SOX5: variants seen among roughly 807,000 people sequenced by gnomAD.
SOX5 encodes the protein transcription factor SOX-5.
In SOX5, 9 loss-of-function variants were observed where a neutral mutation model predicts 92.0. The observed-to-expected ratio is 0.10, with a 90% CI of 0.06 to 0.17. The LOEUF is 0.17. Among genes scored for constraint, SOX5 ranks in the 10% least tolerant of loss-of-function variants. The probability of loss-of-function intolerance (pLI) is 1.00; values close to 1 mark genes in which losing one functional copy is unlikely to be tolerated. For missense variants in SOX5, 642 were observed against 944.5 expected (o/e 0.68, Z 4.20); for synonymous variants, 344 against 336.3 (o/e 1.02, Z -0.25).
chr12:23,854,661 A>T (rs2096668096), intron 2 of SOX5, among the ~76,000 whole-genome samples: 2 of 152,238 alleles, frequency 1.3e-5, no homozygotes, highest in Admixed American at 6.5e-5. Flanking sequence ...TTGAACACTA[A>T]CTTGCAGGGC....
At chr12:24,081,922 A>G (rs571019528) in intron 4 of SOX5, among the ~76,000 whole-genome samples, 3 of 152,042 alleles carry the variant, frequency 2.0e-5, no homozygotes, top group South Asian at 4.1e-4. Flanking sequence ...TATGGTCACC[A>G]TATTTGCACA....
At chr12:24,284,255 G>T (rs959955092) in intron 2 of SOX5, among the ~76,000 whole-genome samples, 1 of 152,160 alleles carries the variant, frequency 6.6e-6, no homozygotes, top group Admixed American at 6.5e-5. Context: ...CAGCCACTCT[G>T]CTTTAGACAC....
Position 23,592,910 on chromosome 12 carries a change from C to T in SOX5, c.1164+11477G>A, listed in dbSNP as rs181471018. 8.1e-4 allele frequency among the ~76,000 whole-genome samples: 123 copies of T among 152,160 alleles called. No homozygotes were observed. In the Middle Eastern group the frequency reaches 0.017, roughly 21 times the overall value. On this transcript the variant is annotated intron_variant, in intron 9 of 14. Coordinates refer to ENST00000451604, the MANE Select transcript of SOX5 (RefSeq NM_006940.6). ...CCTGACCAACATGGTGAAACCCCAT[C>T]TCTACTAAAAATACAAAAATTAGCT...
chr12:23,559,497 T>C (rs1565813379), intron 11 of SOX5, among the ~76,000 whole-genome samples: 1 of 152,228 alleles, frequency 6.6e-6, no homozygotes, highest in Non-Finnish European at 1.5e-5. Flanking sequence ...AAAAAATCTC[T>C]TAGAAGTCTT....
At chr12:24,508,172 T>A (rs995230660) in intron 1 of SOX5, among the ~76,000 whole-genome samples, 5 of 152,086 alleles carry the variant, frequency 3.3e-5, no homozygotes, top group African/African-American at 9.7e-5. Context: ...TGGGGTTAGA[T>A]TTACACATGC....
intron 1 of SOX5, among the ~76,000 whole-genome samples, chr12:24,553,119 C>T (rs1291490185): frequency 2.0e-5 from 3 of 152,192 alleles, no homozygotes; most frequent in African/African-American, 4.8e-5. Flanking sequence ...TCTCTTCCTC[C>T]TAACTGTCTC....
chr12:24,335,170 T>C (rs1951749572), intron 2 of SOX5, among the ~76,000 whole-genome samples: 1 of 152,174 alleles, frequency 6.6e-6, no homozygotes, highest in African/African-American at 2.4e-5. Context: ...GGAAGACCAA[T>C]TTCTCTTTCA....
chr12:24,186,577 T>C (rs1956035784), intron 4 of SOX5, among the ~76,000 whole-genome samples: 1 of 151,788 alleles, frequency 6.6e-6, no homozygotes, highest in Non-Finnish European at 1.5e-5. Context: ...TAATTGCCCA[T>C]AAACAAGGGA....
At chr12:24,071,494 GC>G (rs2137442336) in intron 4 of SOX5, among the ~76,000 whole-genome samples, 1 of 152,232 alleles carries the variant, frequency 6.6e-6, no homozygotes, top group Non-Finnish European at 1.5e-5. Flanking sequence ...GAGTGCAGTG[GC>G]GCGATCTCGG....
At chr12:23,794,175 A>AT (rs2095523838) in intron 3 of SOX5, among the ~76,000 whole-genome samples, 1 of 151,972 alleles carries the variant, frequency 6.6e-6, no homozygotes, top group African/African-American at 2.4e-5. Context: ...AGTTTTATTG[A>AT]TTTTCTCTTT....
intron 1 of SOX5, among the ~76,000 whole-genome samples, chr12:24,539,295 CAAAG>C (rs1420332744): frequency 1.3e-5 from 2 of 151,900 alleles, no homozygotes; most frequent in Non-Finnish European, 2.9e-5. Context: ...AGCCAGAAAA[CAAAG>C]AAATTTTAAC....
chr12:23,922,569 C>G (rs958771186), intron 1 of SOX5, among the ~76,000 whole-genome samples: 1 of 152,098 alleles, frequency 6.6e-6, no homozygotes, highest in African/African-American at 2.4e-5. Flanking sequence ...GCTTCATATG[C>G]ACAGGTGAAG....
At chr12:23,675,130 T>G (rs1408471743) in intron 6 of SOX5, among the ~76,000 whole-genome samples, 4 of 152,220 alleles carry the variant, frequency 2.6e-5, no homozygotes, top group Non-Finnish European at 5.9e-5. Context: ...TACTTCAAAG[T>G]CTCTTGAAAT....
chr12:23,706,697 T>C (rs1341317664), intron 6 of SOX5, among the ~76,000 whole-genome samples: 1 of 152,014 alleles, frequency 6.6e-6, no homozygotes, highest in Admixed American at 6.6e-5. Flanking sequence ...TTCAAATAAA[T>C]AGTATTTTAA....
chr12:23,875,465 A>G (rs2096917639), intron 2 of SOX5, among the ~76,000 whole-genome samples: 1 of 152,118 alleles, frequency 6.6e-6, no homozygotes, highest in African/African-American at 2.4e-5. Flanking sequence ...TCTGCAAAAA[A>G]TCCTTACTGT....
At chr12:23,847,069 T>G (rs2096583491) in intron 2 of SOX5, among the ~76,000 whole-genome samples, 1 of 152,128 alleles carries the variant, frequency 6.6e-6, no homozygotes, top group Non-Finnish European at 1.5e-5. Flanking sequence ...GGGGAATATT[T>G]TGTATAAAAC....
chr12:23,833,755 G>A (rs2096369069), intron 3 of SOX5, among the ~76,000 whole-genome samples: 1 of 151,852 alleles, frequency 6.6e-6, no homozygotes, highest in African/African-American at 2.4e-5. Context: ...ATAAGGATAG[G>A]GGTATACATG....
At chr12:24,513,775 A>G (rs969019902) in intron 1 of SOX5, among the ~76,000 whole-genome samples, 1 of 152,238 alleles carries the variant, frequency 6.6e-6, no homozygotes, top group African/African-American at 2.4e-5. Flanking sequence ...CAGTGTCACA[A>G]TAAGTTTGTC....
At chr12:23,856,950 T>C (rs1183074014) in intron 2 of SOX5, among the ~76,000 whole-genome samples, 1 of 152,156 alleles carries the variant, frequency 6.6e-6, no homozygotes, top group Non-Finnish European at 1.5e-5. Context: ...ACACACACTA[T>C]GCCTTGTTAT....
Sources: allele counts gnomAD v4.1 joint callset (sites outside exome capture counted in the v4.1 genomes callset), GRCh38; gene constraint gnomAD v4.1.1; transcripts MANE v1.5; gene names NCBI Gene and HGNC (gene_info 2026-07-23, HGNC 2026-07-21).